PAN3: variants seen among roughly 807,000 people sequenced by gnomAD.
PAN3 encodes PAN2-PAN3 deadenylation complex subunit PAN3.
A neutral mutation model predicts 96.2 loss-of-function variants in PAN3; 19 were observed. The observed-to-expected ratio is 0.20, with a 90% CI of 0.14 to 0.29. The LOEUF is 0.29. Among genes scored for constraint, PAN3 ranks in the 10% least tolerant of loss-of-function variants. The pLI, the probability that PAN3 is intolerant of heterozygous loss-of-function variation, is 1.00. For missense variants in PAN3, 882 were observed against 1,108.1 expected (o/e 0.80, Z 2.90); for synonymous variants, 433 against 406.6 (o/e 1.06, Z -0.78).
At chr13:28,211,787 A>G (rs1002673831) in intron 5 of PAN3, among the ~76,000 whole-genome samples, 3 of 152,232 alleles carry the variant, frequency 2.0e-5, no homozygotes, top group African/African-American at 7.2e-5. Context: ...AGTTTTCAAG[A>G]CATGAGATAT....
chr13:28,203,885 C>G (rs996260273), intron 5 of PAN3, among the ~76,000 whole-genome samples: 1 of 147,876 alleles, frequency 6.8e-6, no homozygotes, highest in Non-Finnish European at 1.5e-5. Flanking sequence ...CTCACTGCAT[C>G]CTCCACCTTC....
At chr13:28,231,870 C>T (rs1198778234) in intron 6 of PAN3, among the ~76,000 whole-genome samples, 2 of 151,784 alleles carry the variant, frequency 1.3e-5, no homozygotes, top group African/African-American at 4.8e-5. Flanking sequence ...CAATTGATCT[C>T]CAGCCTGGGC....
chr13:28,150,623 C>T (rs1418754386), intron 1 of PAN3, among the ~76,000 whole-genome samples: 2 of 138,246 alleles, frequency 1.4e-5, no homozygotes, highest in African/African-American at 2.8e-5. Flanking sequence ...GGCGACAGAG[C>T]GAGACTCTGT....
intron 12 of PAN3, among the ~76,000 whole-genome samples, chr13:28,269,783 ATAAT>A (rs1566247609): frequency 6.6e-6 from 1 of 152,098 alleles, no homozygotes; most frequent in Non-Finnish European, 1.5e-5. Flanking sequence ...AAATTGAGAG[ATAAT>A]TATTTTTAAT....
intron 1 of PAN3, among the ~76,000 whole-genome samples, chr13:28,170,895 C>T (rs1035679193): frequency 3.3e-5 from 5 of 152,124 alleles, no homozygotes; most frequent in Non-Finnish European, 1.5e-5. Flanking sequence ...CTCCCAGGTT[C>T]AAGTGATTCT....
chr13:28,278,078 T>G (rs1198720810), intron 15 of PAN3, among the ~76,000 whole-genome samples: 1 of 152,268 alleles, frequency 6.6e-6, no homozygotes, highest in Non-Finnish European at 1.5e-5. Context: ...ATTACAGTTA[T>G]GAGCTATATT....
Position 28,138,972 on chromosome 13 carries a change from CG to C in PAN3, c.320del (p.Gly107GlufsTer46). On this transcript the variant is annotated frameshift_variant, in exon 1 of 19. Coordinates refer to ENST00000380958, the MANE Select transcript of PAN3 (RefSeq NM_175854.8). LOFTEE classifies it high-confidence loss of function. ...AGFPPGAVAG[G>X]GAGPPPGPKK... ...GCTTTCCGCCGGGAGCCGTCGCGGG[CG>C]GGGGAGCTGGGCCGCCCCCCGGGCC... 4 of 1,278,670 alleles carry C rather than the reference CG, an allele frequency of 3.1e-6. No homozygotes were observed. The highest frequency in any genetic ancestry group is 3.0e-6 in the Non-Finnish European group (3 of 1,013,168). The allele number at this position is 1,278,670 out of a possible 1,614,324, so 79.2% of individuals were successfully genotyped here.
chr13:28,249,833 T>C (rs763657890), intron 6 of PAN3, among the ~76,000 whole-genome samples: 6 of 152,228 alleles, frequency 3.9e-5, no homozygotes, highest in Non-Finnish European at 5.9e-5. Context: ...CTTTGACTTT[T>C]ATTCTTTTAC....
Position 28,221,016 on chromosome 13 carries a change from G to C in PAN3, c.1000+638G>C, listed in dbSNP as rs45445892. On this transcript the variant is annotated intron_variant, in intron 6 of 18. Coordinates refer to ENST00000380958, the MANE Select transcript of PAN3 (RefSeq NM_175854.8). ...TTGGGCAAATGTGCTTGTACTCCAG[G>C]AGTCCTGAAGGCATAGTTCAATGTG... Among the ~76,000 whole-genome samples the C allele has an allele frequency of 3.2e-3, 488 of 152,214 alleles. 1 individual carries two copies. Among genetic ancestry groups the C allele is most frequent in the African/African-American group, 0.011 (445 of 41,538 alleles).
At chr13:28,228,958 G>C (rs1439084891) in intron 6 of PAN3, among the ~76,000 whole-genome samples, 1 of 152,166 alleles carries the variant, frequency 6.6e-6, no homozygotes, top group Non-Finnish European at 1.5e-5. Context: ...AGGTTGGCTA[G>C]GATGCTCTTC....
At chr13:28,267,062 A>G (rs774292394) in intron 10 of PAN3, 33 bp from the exon 11 acceptor site, 1 of 1,539,172 alleles carries the variant, frequency 6.5e-7, no homozygotes, top group South Asian at 1.2e-5. Context: ...GACGTCAATT[A>G]GAGTTTACTG....
chr13:28,214,059 G>A (rs1041803454), intron 5 of PAN3, among the ~76,000 whole-genome samples: 2 of 151,974 alleles, frequency 1.3e-5, no homozygotes, highest in Non-Finnish European at 2.9e-5. Flanking sequence ...GTGCACTCCA[G>A]CCTGGGTGAC....
rs1386988602 is a variant in PAN3, at chr13:28,260,567, T to G, written c.1353+16T>G. The G allele has an allele frequency of 6.4e-7, 1 of 1,573,032 alleles. No individual in the cohort carries two copies. The highest frequency in any genetic ancestry group is 2.2e-5 in the East Asian group (1 of 44,570). On this transcript the variant is annotated intron_variant, in intron 8 of 18. Transcript: ENST00000380958. ...ACTCCGACAGGTATGCTTTCAGAAT[T>G]CATAGTAGGAATACTTAATGTCTCC...
chr13:28,217,740 A>G (rs1566196892), intron 5 of PAN3, among the ~76,000 whole-genome samples: 1 of 152,194 alleles, frequency 6.6e-6, no homozygotes, highest in African/African-American at 2.4e-5. Context: ...AAATGAGTGC[A>G]TATCTGTATA....
chr13:28,285,053 T>C lies in PAN3; in HGVS notation c.2385-2931T>C, dbSNP rs185772224. 3.3e-3 allele frequency among the ~76,000 whole-genome samples: 500 copies of C among 152,328 alleles called. 1 individual carries two copies. The highest frequency in any genetic ancestry group is 5.6e-3 in the Non-Finnish European group (380 of 68,022). On this transcript the variant is annotated intron_variant, in intron 17 of 18. Transcript: ENST00000380958. ...ATTTAAGTTGTTCTTTATATAGTTA[T>C]AGCAATACTGAGTGTATTCTTAGGT...
chr13:28,159,638 G>A lies in PAN3; in HGVS notation c.431-14634G>A, dbSNP rs542341228. The stretch of plus-strand genomic sequence containing the variant: ...TAATTTTGTATTTTTAGTAGAGATG[G>A]GGTTTCACCATGTTGGTCAGGCTGG... On this transcript the variant is annotated intron_variant, in intron 1 of 18. Transcript: ENST00000380958. Among the ~76,000 whole-genome samples, 483 of 152,122 alleles carry A rather than the reference G, an allele frequency of 3.2e-3. 4 individuals are homozygous for A. The highest frequency in any genetic ancestry group is 3.9e-3 in the Non-Finnish European group (264 of 67,986).
Position 28,267,466 on chromosome 13 carries a change from T to C in PAN3, c.1792+65T>C, listed in dbSNP as rs1023125372. 7.8e-5 allele frequency: 102 copies of C among 1,312,600 alleles called. No individual in the cohort carries two copies. In the African/African-American group the frequency reaches 1.4e-3, roughly 18 times the overall value. 81.3% of individuals were successfully genotyped at this position (1,312,600 alleles called of 1,614,324 possible). On this transcript the variant is annotated intron_variant, in intron 12 of 18. Coordinates refer to ENST00000380958, the MANE Select transcript of PAN3 (RefSeq NM_175854.8). ...CTTTTGCTCTGTGGAAGAGTAGTTT[T>C]CTATTTTAAAATACGTATAATTTTT...
chr13:28,214,768 C>A, intron 5 of PAN3: 1 of 575,234 alleles, frequency 1.7e-6, no homozygotes, highest in Non-Finnish European at 3.2e-6. Flanking sequence ...CCAACAAGTA[C>A]TACATGACTT....
chr13:28,290,188 A>G (rs1177534375), intron 18 of PAN3, among the ~76,000 whole-genome samples: 1 of 152,236 alleles, frequency 6.6e-6, no homozygotes, highest in Non-Finnish European at 1.5e-5. Flanking sequence ...GAAAACATTT[A>G]CTGACTCTTG....
Sources: allele counts gnomAD v4.1 joint callset (sites outside exome capture counted in the v4.1 genomes callset), GRCh38; gene constraint gnomAD v4.1.1; transcripts MANE v1.5; gene names NCBI Gene and HGNC (gene_info 2026-07-23, HGNC 2026-07-21).